ARHGAP24: variants seen among roughly 807,000 people sequenced by gnomAD.
ARHGAP24 encodes the protein rho GTPase-activating protein 24.
In ARHGAP24, 50 loss-of-function variants were observed where a neutral mutation model predicts 76.4. The ratio of observed to expected loss-of-function variants is 0.65; its 90% CI spans 0.52 to 0.83. The LOEUF (loss-of-function observed/expected upper bound fraction) is 0.83, where lower values mean the gene tolerates loss of function less well. Among genes scored for constraint, ARHGAP24 ranks in the 40% least tolerant of loss-of-function variants. The pLI, the probability that ARHGAP24 is intolerant of heterozygous loss-of-function variation, is 0.00. For synonymous variants in ARHGAP24, 345 were observed against 323.3 expected (o/e 1.07, Z -0.72); for missense variants, 930 against 914.2 (o/e 1.02, Z -0.22).
intron 1 of ARHGAP24, among the ~76,000 whole-genome samples, chr4:85,564,592 G>A (rs531710147): frequency 7.9e-5 from 12 of 151,540 alleles, no homozygotes; most frequent in Middle Eastern, 3.4e-3. Flanking sequence ...GCAGTGGTCC[G>A]CAACCTTTTT....
At chr4:85,562,407 G>A (rs1726633486) in intron 1 of ARHGAP24, among the ~76,000 whole-genome samples, 1 of 147,336 alleles carries the variant, frequency 6.8e-6, no homozygotes, top group African/African-American at 2.4e-5. Flanking sequence ...AGTACACTTA[G>A]TTTTATGTGA....
intron 3 of ARHGAP24, among the ~76,000 whole-genome samples, chr4:85,817,165 T>G (rs1468179429): frequency 6.6e-6 from 1 of 152,194 alleles, no homozygotes; most frequent in African/African-American, 2.4e-5. Context: ...ATTTTGTACA[T>G]TAGCTCCTTA....
intron 1 of ARHGAP24, among the ~76,000 whole-genome samples, chr4:85,479,037 T>A (rs574657422): frequency 6.6e-6 from 1 of 152,350 alleles, no homozygotes; most frequent in East Asian, 1.9e-4. Context: ...CTGTTAATGT[T>A]TCCCCAATAA....
intron 2 of ARHGAP24, among the ~76,000 whole-genome samples, chr4:85,626,053 A>C (rs570917762): frequency 6.6e-6 from 1 of 152,072 alleles, no homozygotes; most frequent in Non-Finnish European, 1.5e-5. Context: ...TTTAATTGGA[A>C]CATTTAGTCC....
chr4:85,955,223 C>T (rs1371600072), intron 5 of ARHGAP24, among the ~76,000 whole-genome samples: 1 of 151,894 alleles, frequency 6.6e-6, no homozygotes, highest in South Asian at 2.1e-4. Flanking sequence ...CATGCTCCCC[C>T]CGCCTACCCC....
At chr4:85,755,104 G>A (rs911587355) in intron 3 of ARHGAP24, among the ~76,000 whole-genome samples, 1 of 152,098 alleles carries the variant, frequency 6.6e-6, no homozygotes, top group African/African-American at 2.4e-5. Flanking sequence ...AATAAGTGAA[G>A]GAACCTGTTG....
At chr4:85,615,601 G>T (rs1720515847) in intron 2 of ARHGAP24, among the ~76,000 whole-genome samples, 1 of 152,056 alleles carries the variant, frequency 6.6e-6, no homozygotes. Context: ...CTTTAAAATT[G>T]CTGGATGTTA....
chr4:85,748,708 A>G (rs543223148), intron 3 of ARHGAP24, among the ~76,000 whole-genome samples: 11 of 152,378 alleles, frequency 7.2e-5, no homozygotes, highest in African/African-American at 2.6e-4. Context: ...AATATGTTTT[A>G]TCTCCCAAGT....
intron 3 of ARHGAP24, among the ~76,000 whole-genome samples, chr4:85,756,490 T>C (rs1307598845): frequency 2.0e-5 from 3 of 152,216 alleles, no homozygotes; most frequent in Non-Finnish European, 2.9e-5. Flanking sequence ...CAGAATCTAG[T>C]TCTTCATTTC....
intron 3 of ARHGAP24, among the ~76,000 whole-genome samples, chr4:85,860,126 A>G (rs1731804754): frequency 6.6e-6 from 1 of 152,094 alleles, no homozygotes; most frequent in Non-Finnish European, 1.5e-5. Context: ...TGTGCTTGCC[A>G]CGGGAAGTGT....
At chr4:85,945,505 T>C (rs1434581970) in intron 5 of ARHGAP24, among the ~76,000 whole-genome samples, 1 of 152,096 alleles carries the variant, frequency 6.6e-6, no homozygotes, top group Non-Finnish European at 1.5e-5. Flanking sequence ...GGCTCATGCC[T>C]ATAATCCCAG....
chr4:85,585,491 T>G (rs1436689623), intron 2 of ARHGAP24, among the ~76,000 whole-genome samples: 1 of 152,206 alleles, frequency 6.6e-6, no homozygotes, highest in Non-Finnish European at 1.5e-5. Flanking sequence ...TGGGGGAATC[T>G]GTGGGAGAGG....
intron 6 of ARHGAP24, among the ~76,000 whole-genome samples, chr4:85,973,645 T>C (rs989226878): frequency 6.6e-5 from 10 of 152,182 alleles, no homozygotes; most frequent in African/African-American, 2.4e-4. Flanking sequence ...CTAAGACTTC[T>C]ATAGCTTCGG....
At chr4:85,828,761 A>AAAT (rs1729847072) in intron 3 of ARHGAP24, among the ~76,000 whole-genome samples, 1 of 152,136 alleles carries the variant, frequency 6.6e-6, no homozygotes, top group Admixed American at 6.5e-5. Flanking sequence ...TCTTGGGTTA[A>AAAT]CAGACCTTAA....
At chr4:85,624,886 C>G (rs560648756) in intron 2 of ARHGAP24, among the ~76,000 whole-genome samples, 7 of 152,200 alleles carry the variant, frequency 4.6e-5, no homozygotes, top group East Asian at 3.9e-4. Context: ...ATTCTCTGAT[C>G]GTAGTTTGTA....
At chr4:85,498,787 T>G (rs1216194706) in intron 1 of ARHGAP24, among the ~76,000 whole-genome samples, 3 of 152,266 alleles carry the variant, frequency 2.0e-5, no homozygotes, top group Non-Finnish European at 4.4e-5. Flanking sequence ...CACCATCTTG[T>G]ATGATACTTG....
intron 2 of ARHGAP24, among the ~76,000 whole-genome samples, chr4:85,629,263 G>T (rs1721079323): frequency 6.6e-6 from 1 of 152,134 alleles, no homozygotes; most frequent in Non-Finnish European, 1.5e-5. Flanking sequence ...CTCCCCTCAT[G>T]TAGCATGTTA....
chr4:85,724,491 G>GTATATA (rs60930279), intron 3 of ARHGAP24, among the ~76,000 whole-genome samples: 211 of 10,554 alleles, frequency 0.02, 1 homozygote, highest in Admixed American at 0.033. Flanking sequence ...TTCCATGTGT[G>GTATATA]TATATATATA....
chr4:85,586,759 A>G (rs1432444122), intron 2 of ARHGAP24, among the ~76,000 whole-genome samples: 2 of 151,978 alleles, frequency 1.3e-5, no homozygotes, highest in Admixed American at 6.6e-5. Flanking sequence ...TTAGCCAGGC[A>G]TGGTGGCACG....
Sources: gnomAD v4.1 joint callset for allele counts (sites outside exome capture counted in the v4.1 genomes callset) on GRCh38, gnomAD v4.1.1 for gene constraint, MANE v1.5 for transcripts, NCBI Gene and HGNC (gene_info 2026-07-23, HGNC 2026-07-21) for gene names.